The following CHRM3 variants were observed in gnomAD, a reference collection of about 807,000 sequenced individuals.
CHRM3 encodes the protein muscarinic acetylcholine receptor M3.
CHRM3 carries 11 observed loss-of-function variants against 41.8 expected under a neutral mutation model. The ratio of observed to expected loss-of-function variants is 0.26; its 90% CI spans 0.17 to 0.44. The LOEUF (loss-of-function observed/expected upper bound fraction) is 0.44, where lower values mean the gene tolerates loss of function less well. Among genes scored for constraint, CHRM3 ranks in the 20% least tolerant of loss-of-function variants. CHRM3 has a pLI of 1.00. For missense variants in CHRM3, 571 were observed against 745.4 expected (o/e 0.77, Z 2.72); for synonymous variants, 297 against 301.4 (o/e 0.99, Z 0.15).
At position 239,521,637 on chromosome 1, in the gene CHRM3, TAG is replaced by T. The variant is rs1352694948; in HGVS notation, c.-421-24002_-421-24001del. ...AAGACTTCTTGATGCACTGGTTTTATAGACAGGCATGAAATTTCATTGCATAA... is the reference window on the plus strand; with the variant it reads ...AAGACTTCTTGATGCACTGGTTTTATACAGGCATGAAATTTCATTGCATAA... On this transcript the variant is annotated intron_variant, in intron 2 of 6. Transcript: ENST00000676153. 2.6e-5 allele frequency among the ~76,000 whole-genome samples: 4 copies of T among 152,172 alleles called. No individual in the cohort carries two copies. The East Asian group carries it at 5.8e-4, about 22-fold the overall frequency.
intron 3 of CHRM3, among the ~76,000 whole-genome samples, chr1:239,552,652 T>TATTATTATG (rs1659983917): frequency 6.8e-6 from 1 of 147,290 alleles, no homozygotes; most frequent in South Asian, 2.1e-4. Flanking sequence ...TTATTATTAT[T>TATTATTATG]ATTATTATTA....
intron 6 of CHRM3, among the ~76,000 whole-genome samples, chr1:239,829,648 G>A (rs1672744631): frequency 6.6e-6 from 1 of 152,140 alleles, no homozygotes; most frequent in African/African-American, 2.4e-5. Context: ...TCAGGTTGGG[G>A]AAGGCTAGGA....
At chr1:239,762,826 T>C (rs184585353) in intron 5 of CHRM3, among the ~76,000 whole-genome samples, 6 of 152,328 alleles carry the variant, frequency 3.9e-5, no homozygotes, top group South Asian at 4.1e-4. Flanking sequence ...CCACATGTCA[T>C]CATAAAAATG....
intron 1 of CHRM3, among the ~76,000 whole-genome samples, chr1:239,410,935 G>T (rs1034109802): frequency 6.6e-6 from 1 of 152,060 alleles, no homozygotes; most frequent in Non-Finnish European, 1.5e-5. Context: ...TGCTGTGGGC[G>T]TCCTTAAATG....
chr1:239,865,598 C>G (rs2149292899), intron 6 of CHRM3, among the ~76,000 whole-genome samples: 1 of 152,226 alleles, frequency 6.6e-6, no homozygotes, highest in African/African-American at 2.4e-5. Context: ...CACCAGAGCA[C>G]ATGGCAGAGC....
At chr1:239,653,947 G>A (rs1307427963) in intron 4 of CHRM3, among the ~76,000 whole-genome samples, 1 of 152,172 alleles carries the variant, frequency 6.6e-6, no homozygotes, top group African/African-American at 2.4e-5. Context: ...AAAGGGTAAA[G>A]AAGCTTCTTT....
intron 5 of CHRM3, among the ~76,000 whole-genome samples, chr1:239,793,674 C>T (rs1234655498): frequency 1.3e-5 from 2 of 152,190 alleles, no homozygotes; most frequent in East Asian, 3.9e-4. Flanking sequence ...TAGGATTAAG[C>T]AGACCACTGT....
rs145234840 is a variant in CHRM3 at position 239,499,351 on chromosome 1, T to A, written c.-422+6544T>A. On this transcript the variant is annotated intron_variant, in intron 2 of 6. Coordinates refer to ENST00000676153, the MANE Select transcript of CHRM3 (RefSeq NM_001375978.1). Reference sequence around the variant, plus strand: ...ATTTGAAAATAGGTGTAAAAAGATATTTCAGGCAGAGGGAGGAGCTGTTTA... The same window carrying A: ...ATTTGAAAATAGGTGTAAAAAGATAATTCAGGCAGAGGGAGGAGCTGTTTA... Among the ~76,000 whole-genome samples, 58 of 152,240 alleles carry A rather than the reference T, an allele frequency of 3.8e-4. 1 individual carries two copies. Among genetic ancestry groups the A allele is most frequent in the Middle Eastern group, 3.4e-3 (1 of 294 alleles).
At chr1:239,639,054 G>C (rs1235137762) in intron 4 of CHRM3, among the ~76,000 whole-genome samples, 1 of 151,880 alleles carries the variant, frequency 6.6e-6, no homozygotes, top group Admixed American at 6.6e-5. Context: ...TCTCAGGTTT[G>C]TCAAAGATCA....
At chr1:239,453,673 G>A (rs1189371190) in intron 1 of CHRM3, among the ~76,000 whole-genome samples, 1 of 152,172 alleles carries the variant, frequency 6.6e-6, no homozygotes, top group African/African-American at 2.4e-5. Flanking sequence ...CATTAATTTT[G>A]TATTCTATTA....
At chr1:239,871,099 C>T (rs991302497) in intron 6 of CHRM3, among the ~76,000 whole-genome samples, 5 of 152,016 alleles carry the variant, frequency 3.3e-5, no homozygotes, top group South Asian at 2.1e-4. Flanking sequence ...CGACAGAAGA[C>T]GTTCAAGAAA....
chr1:239,717,817 G>A (rs577605520), intron 5 of CHRM3, among the ~76,000 whole-genome samples: 8 of 152,114 alleles, frequency 5.3e-5, no homozygotes, highest in East Asian at 3.9e-4. Context: ...CTCAAGTGAC[G>A]TGTCCTGCTC....
intron 1 of CHRM3, among the ~76,000 whole-genome samples, chr1:239,388,303 A>G (rs911688401): frequency 1.3e-5 from 2 of 152,134 alleles, no homozygotes; most frequent in African/African-American, 2.4e-5. Context: ...TATCAAAGCG[A>G]TGTGTGGTTA....
intron 2 of CHRM3, among the ~76,000 whole-genome samples, chr1:239,493,285 G>A (rs544103135): frequency 9.8e-4 from 149 of 152,246 alleles, no homozygotes; most frequent in Middle Eastern, 6.8e-3. Context: ...TCTCAGGCAG[G>A]TCTCCAGGAT....
chr1:239,475,828 C>T (rs370456656), intron 1 of CHRM3, among the ~76,000 whole-genome samples: 1 of 151,856 alleles, frequency 6.6e-6, no homozygotes, highest in Admixed American at 6.6e-5. Flanking sequence ...TTGGATTGTC[C>T]GTATGTTTTT....
intron 1 of CHRM3, among the ~76,000 whole-genome samples, chr1:239,450,903 G>A (rs1462998287): frequency 6.6e-6 from 1 of 152,196 alleles, no homozygotes; most frequent in Non-Finnish European, 1.5e-5. Context: ...TGAATGCCTA[G>A]TGAAGGCCAG....
intron 2 of CHRM3, among the ~76,000 whole-genome samples, chr1:239,506,562 C>G (rs565371132): frequency 6.6e-6 from 1 of 152,284 alleles, no homozygotes; most frequent in East Asian, 1.9e-4. Flanking sequence ...AAGTTTACTG[C>G]AGGGGTGGTG....
At chr1:239,549,850 G>A (rs1659649094) in intron 3 of CHRM3, among the ~76,000 whole-genome samples, 2 of 151,856 alleles carry the variant, frequency 1.3e-5, no homozygotes, top group African/African-American at 4.8e-5. Context: ...TTGGAGACAC[G>A]AAATAGATGA....
intron 5 of CHRM3, among the ~76,000 whole-genome samples, chr1:239,821,513 C>T (rs1256247651): frequency 1.3e-5 from 2 of 152,262 alleles, no homozygotes; most frequent in Admixed American, 6.5e-5. Flanking sequence ...GTGGGACATA[C>T]ACCACTCAGT....
Sources: allele counts gnomAD v4.1 joint callset (sites outside exome capture counted in the v4.1 genomes callset), GRCh38; gene constraint gnomAD v4.1.1; transcripts MANE v1.5; gene names NCBI Gene and HGNC (gene_info 2026-07-23, HGNC 2026-07-21).